The following CAPN5 variants were observed in gnomAD, a reference collection of about 807,000 sequenced individuals.
CAPN5 encodes the protein calpain-5.
A neutral mutation model predicts 73.0 loss-of-function variants in CAPN5; 54 were observed. The observed-to-expected ratio is 0.74, with a 90% CI of 0.59 to 0.93. CAPN5 has a LOEUF of 0.93. CAPN5 is among the 40% of genes least tolerant of loss of function. The pLI is 0.00. For synonymous variants in CAPN5, 335 were observed against 356.9 expected (o/e 0.94, Z 0.69); for missense variants, 785 against 882.9 (o/e 0.89, Z 1.41).
chr11:77,088,375 G>T (rs1212158759), intron 2 of CAPN5, among the ~76,000 whole-genome samples: 1 of 152,072 alleles, frequency 6.6e-6, no homozygotes, highest in Non-Finnish European at 1.5e-5. Context: ...TTGCAGCAAG[G>T]CCTGGCAGCG....
chr11:77,077,225 C>T (rs1267951674), intron 1 of CAPN5, among the ~76,000 whole-genome samples: 1 of 151,978 alleles, frequency 6.6e-6, no homozygotes, highest in Admixed American at 6.5e-5. Flanking sequence ...GGCATGGTGG[C>T]GCATGCCTGT....
intron 3 of CAPN5, among the ~76,000 whole-genome samples, chr11:77,098,441 T>G (rs1950240071): frequency 1.1e-5 from 1 of 89,080 alleles, no homozygotes; most frequent in Admixed American, 1.1e-4. Context: ...CACTTCCCAG[T>G]AGGGGCGGCC....
Position 77,115,663 on chromosome 11 carries a change from T to C in CAPN5, c.893+75T>C, listed in dbSNP as rs1189122287. Reference sequence around the variant, plus strand: ...AGGACGGGTGGGCTTCTTGGAGGAGTTGGCACTGGGGCTGGGCCTTGAAGG... The same window carrying C: ...AGGACGGGTGGGCTTCTTGGAGGAGCTGGCACTGGGGCTGGGCCTTGAAGG... On this transcript the variant is annotated intron_variant, in intron 6 of 12. Coordinates refer to ENST00000648180, the MANE Select transcript of CAPN5 (RefSeq NM_004055.5). 21 of 1,253,576 alleles carry C rather than the reference T, an allele frequency of 1.7e-5. No homozygotes were observed. In the South Asian group the frequency reaches 2.5e-4, roughly 15 times the overall value. The allele number at this position is 1,253,576 out of a possible 1,614,324, so 77.7% of individuals were successfully genotyped here.
chr11:77,103,334 G>A lies in CAPN5; in HGVS notation c.298-9255G>A, dbSNP rs1950309034. 3 of 1,603,326 alleles carry A rather than the reference G, an allele frequency of 1.9e-6. No individual in the cohort carries two copies. In the East Asian group the frequency reaches 6.7e-5, roughly 36 times the overall value. On this transcript the variant is annotated intron_variant, in intron 3 of 12. Transcript: ENST00000648180. The stretch of plus-strand genomic sequence containing the variant: ...CCGTGGTTTTTAACCAGCTCTGACA[G>A]CAGCTGCCAGCTGCTGCTCTCCTCT...
intron 3 of CAPN5, among the ~76,000 whole-genome samples, chr11:77,108,259 C>T (rs1428475812): frequency 6.6e-6 from 1 of 152,198 alleles, no homozygotes; most frequent in Non-Finnish European, 1.5e-5. Context: ...CCCCAAGGAG[C>T]TCCTCCCAGT....
chr11:77,071,792 G>T (rs1356142673), intron 1 of CAPN5: 2 of 390,372 alleles, frequency 5.1e-6, no homozygotes, highest in East Asian at 1.5e-4. Context: ...CCAGGAATAG[G>T]AAGTGGCTTG....
intron 1 of CAPN5, among the ~76,000 whole-genome samples, chr11:77,071,139 C>T (rs1402660688): frequency 6.6e-6 from 1 of 152,122 alleles, no homozygotes; most frequent in African/African-American, 2.4e-5. Context: ...CCCGCCCCCA[C>T]CCCAGTGCCC....
At chr11:77,119,183 G>A in intron 9 of CAPN5, 31 bp downstream of exon 9, 1 of 1,589,256 alleles carries the variant, frequency 6.3e-7, no homozygotes, top group Non-Finnish European at 8.6e-7. Flanking sequence ...TGCCGTGGGT[G>A]GGGAGAGGGA....
At chr11:77,092,635 C>T (rs150200974) in intron 2 of CAPN5, among the ~76,000 whole-genome samples, 4 of 152,362 alleles carry the variant, frequency 2.6e-5, no homozygotes, top group African/African-American at 4.8e-5. Context: ...TCCCTGGCTG[C>T]GTCTCATGGA....
chr11:77,120,403 A>C, intron 9 of CAPN5: 2 of 283,654 alleles, frequency 7.1e-6, no homozygotes, highest in South Asian at 1.4e-4. Flanking sequence ...TCAGCCATGT[A>C]AAGTATACAA....
chr11:77,113,854 G>A (rs782182935), intron 4 of CAPN5, among the ~76,000 whole-genome samples: 8 of 152,212 alleles, frequency 5.3e-5, no homozygotes, highest in Non-Finnish European at 1.2e-4. Context: ...CAATTCAGTG[G>A]CATTCATTAT....
At chr11:77,116,366 G>A in intron 7 of CAPN5, 63 bp downstream of exon 7, 1 of 1,342,456 alleles carries the variant, frequency 7.4e-7, no homozygotes, top group Non-Finnish European at 1.1e-6. Context: ...CTGGCGGGGA[G>A]CACCAGGTGG....
At position 77,115,487 on chromosome 11, in the gene CAPN5, G is replaced by A. The variant is rs2135479274; in HGVS notation, c.792G>A (p.Leu264=). The A allele has an allele frequency of 6.2e-7, 1 of 1,613,334 alleles. No individual in the cohort carries two copies. The highest frequency in any genetic ancestry group is 2.2e-5 in the East Asian group (1 of 44,894). The part of the protein sequence containing the change: ...YAVTDVRKVR[L]GHGLLAFFKS... ...TCACTGATGTGCGCAAGGTGCGCCT[G>A]GGCCACGGCCTACTGGCCTTCTTCA... is the stretch of plus-strand genomic sequence containing the variant. The change falls in exon 6 of 13, where the codon CTG becomes CTA. Residue 264 remains leucine (L), a synonymous_variant. Transcript: ENST00000648180.
chr11:77,084,814 G>T (rs1262724894), intron 1 of CAPN5, 38 bp from the exon 2 acceptor site: 2 of 1,577,974 alleles, frequency 1.3e-6, no homozygotes, highest in Non-Finnish European at 1.7e-6. Flanking sequence ...GGGACCCAGG[G>T]ACTCTGTGAG....
rs1555041603 is a variant in CAPN5, at chr11:77,115,580, G to A, written c.885G>A (p.Trp295Ter). Residue 295 changes from tryptophan (W) to a stop codon, truncating the protein, a stop_gained, in exon 6 of 13, where the codon TGG (tryptophan) becomes TGA (stop). Coordinates refer to ENST00000648180, the MANE Select transcript of CAPN5 (RefSeq NM_004055.5). LOFTEE classifies it high-confidence loss of function. ...PWGEREWNGP[W>*]SDTSEEWQKV... Reference sequence around the variant, plus strand: ...GCGAGCGGGAGTGGAACGGGCCCTGGAGTGACACGTGAGGCCTGGGGATGG... The same window carrying A: ...GCGAGCGGGAGTGGAACGGGCCCTGAAGTGACACGTGAGGCCTGGGGATGG... 6.2e-7 allele frequency: 1 copy of A among 1,608,628 alleles called. No homozygotes were observed. Among genetic ancestry groups the A allele is most frequent in the African/African-American group, 1.3e-5 (1 of 74,970 alleles).
At chr11:77,073,856 C>T (rs527735827) in intron 1 of CAPN5, among the ~76,000 whole-genome samples, 6 of 152,254 alleles carry the variant, frequency 3.9e-5, no homozygotes, top group South Asian at 2.1e-4. Context: ...TTGGCTCTGG[C>T]GCCAGAACCC....
At position 77,084,851 on chromosome 11, in the gene CAPN5, G is replaced by C; in HGVS notation, c.-35-1G>C. 1 of 1,613,520 alleles carries C rather than the reference G, an allele frequency of 6.2e-7. No homozygotes were observed. The highest frequency in any genetic ancestry group is 8.5e-7 in the Non-Finnish European group (1 of 1,179,878). ...GACCGTCTTCTTGCCTTCCTGTCCA[G>C]GTGTTCCCCCTCCCCTCCCTGGGGC... On this transcript the variant is annotated splice_acceptor_variant, in intron 1 of 12. Coordinates refer to ENST00000648180, the MANE Select transcript of CAPN5 (RefSeq NM_004055.5). LOFTEE classifies it low-confidence loss of function (5UTR_SPLICE).
At chr11:77,088,162 C>A in intron 2 of CAPN5, 8 of 1,234,002 alleles carry the variant, frequency 6.5e-6, no homozygotes, top group South Asian at 1.6e-5. Context: ...TGGTGGAATG[C>A]ACAGGGGACA....
At chr11:77,091,450 G>A (rs1950148390) in intron 2 of CAPN5, among the ~76,000 whole-genome samples, 2 of 152,210 alleles carry the variant, frequency 1.3e-5, no homozygotes, top group Admixed American at 1.3e-4. Flanking sequence ...GTGTGGCGGG[G>A]ACATGGTATT....
Sources: gnomAD v4.1 joint callset for allele counts (sites outside exome capture counted in the v4.1 genomes callset) on GRCh38, gnomAD v4.1.1 for gene constraint, MANE v1.5 for transcripts, NCBI Gene and HGNC (gene_info 2026-07-23, HGNC 2026-07-21) for gene names.